Variants in DAB1 observed in about 807,000 individuals in gnomAD.
The protein encoded by DAB1 is DAB adaptor protein 1, also known as disabled homolog 1.
DAB1 carries 15 observed loss-of-function variants against 64.6 expected under a neutral mutation model. The observed-to-expected ratio is 0.23, with a 90% CI of 0.16 to 0.36. The LOEUF is 0.36. DAB1 is among the 10% of genes least tolerant of loss of function. The probability of loss-of-function intolerance (pLI) is 1.00; values close to 1 mark genes in which losing one functional copy is unlikely to be tolerated. For missense variants in DAB1, 596 were observed against 706.7 expected (o/e 0.84, Z 1.78); for synonymous variants, 235 against 251.9 (o/e 0.93, Z 0.64).
Position 57,237,439 on chromosome 1 carries a change from T to A in DAB1, c.67+53525A>T, listed in dbSNP as rs190714395. ...TTTATCATTCATCCAAAAGAATTTG[T>A]TTACTTCTTTTCAGTATCAGAGCTC... On this transcript the variant is annotated intron_variant, in intron 2 of 14. Coordinates refer to ENST00000371236, the MANE Select transcript of DAB1 (RefSeq NM_001365792.1). 3.3e-5 allele frequency among the ~76,000 whole-genome samples: 5 copies of A among 152,334 alleles called. No homozygotes were observed. The East Asian group carries it at 9.6e-4, about 29-fold the overall frequency.
intron 1 of DAB1, among the ~76,000 whole-genome samples, chr1:57,378,453 C>A (rs538018296): frequency 6.6e-6 from 1 of 152,110 alleles, no homozygotes; most frequent in Non-Finnish European, 1.5e-5. Flanking sequence ...TTCTTAATTA[C>A]GAAAAGCTAT....
Position 57,010,688 on chromosome 1 carries a change from G to C in DAB1, c.*7C>G. The C allele has an allele frequency of 1.3e-6, 2 of 1,544,772 alleles. No homozygotes were observed. The highest frequency in any genetic ancestry group is 1.8e-6 in the Non-Finnish European group (2 of 1,140,270). On this transcript the variant is annotated 3_prime_UTR_variant, in exon 14 of 15. Transcript: ENST00000371236. Reference sequence around the variant, plus strand: ...AAAGGACAGATACCTACCCAGACCTGCGCTATCTAGCTACCGGCCTGTGGA... The same window carrying C: ...AAAGGACAGATACCTACCCAGACCTCCGCTATCTAGCTACCGGCCTGTGGA...
chr1:58,076,424 G>T (rs1649647841), intron 5 of DAB1, among the ~76,000 whole-genome samples: 1 of 152,082 alleles, frequency 6.6e-6, no homozygotes, highest in Non-Finnish European at 1.5e-5. Flanking sequence ...TAAGCACTTT[G>T]TTTCTCCCGG....
chr1:57,630,803 C>A (rs1645980158), intron 7 of DAB1, among the ~76,000 whole-genome samples: 1 of 152,046 alleles, frequency 6.6e-6, no homozygotes, highest in African/African-American at 2.4e-5. Flanking sequence ...TTTTTAAGTC[C>A]AAAATTGTAG....
At chr1:57,217,221 ATG>A (rs1402034918) in intron 2 of DAB1, among the ~76,000 whole-genome samples, 1 of 152,214 alleles carries the variant, frequency 6.6e-6, no homozygotes, top group Non-Finnish European at 1.5e-5. Context: ...CAGTGCTTAA[ATG>A]GCTTAGTATC....
chr1:58,109,778 G>T (rs1357858396), intron 5 of DAB1, among the ~76,000 whole-genome samples: 1 of 151,282 alleles, frequency 6.6e-6, no homozygotes, highest in Non-Finnish European at 1.5e-5. Flanking sequence ...AAGTGAGGTG[G>T]AATGGAAGCT....
At chr1:57,957,080 A>C (rs148019410) in intron 5 of DAB1, among the ~76,000 whole-genome samples, 331 of 152,336 alleles carry the variant, frequency 2.2e-3, no homozygotes, top group African/African-American at 7.6e-3. Context: ...CTGTTGGAAA[A>C]TTTTGAAAGG....
At chr1:57,850,510 T>G (rs1653473536) in intron 1 of DAB1, among the ~76,000 whole-genome samples, 1 of 151,962 alleles carries the variant, frequency 6.6e-6, no homozygotes, top group African/African-American at 2.4e-5. Context: ...CTTGATAGCT[T>G]ACATAATTAG....
chr1:57,072,181 C>T (rs1651543489), intron 5 of DAB1, 102 bp downstream of exon 5: 2 of 1,290,460 alleles, frequency 1.5e-6, no homozygotes, highest in African/African-American at 1.5e-5. Flanking sequence ...AAATACATTG[C>T]TTGGTCATAT....
chr1:58,402,437 T>C (rs1444364625), intron 3 of DAB1, among the ~76,000 whole-genome samples: 2 of 152,196 alleles, frequency 1.3e-5, no homozygotes, highest in Non-Finnish European at 2.9e-5. Flanking sequence ...GCATCTTCCT[T>C]GCCACATGCA....
chr1:57,286,178 A>G (rs1453237647), intron 2 of DAB1, among the ~76,000 whole-genome samples: 15 of 152,214 alleles, frequency 9.9e-5, no homozygotes, highest in Admixed American at 9.8e-4. Flanking sequence ...TGTGACTTGT[A>G]TTTGAAACCG....
At chr1:58,190,166 G>A (rs572526462) in intron 4 of DAB1, among the ~76,000 whole-genome samples, 2 of 152,266 alleles carry the variant, frequency 1.3e-5, no homozygotes, top group East Asian at 3.9e-4. Context: ...ACTGGATCTA[G>A]AATCTGAACC....
At chr1:57,886,170 T>C (rs1644218472), upstream of DAB1, among the ~76,000 whole-genome samples, 1 of 150,830 alleles carries the variant, frequency 6.6e-6, no homozygotes, top group Admixed American at 6.6e-5. Context: ...ATTCTTTTTT[T>C]TTTTTTTTTT....
At chr1:57,718,224 C>A (rs1647108323) in intron 6 of DAB1, among the ~76,000 whole-genome samples, 2 of 152,050 alleles carry the variant, frequency 1.3e-5, no homozygotes, top group Non-Finnish European at 2.9e-5. Flanking sequence ...CTCATTTAAT[C>A]CTTACACAAT....
At chr1:57,413,802 G>T (rs1184312995) in intron 1 of DAB1, among the ~76,000 whole-genome samples, 1 of 149,444 alleles carries the variant, frequency 6.7e-6, no homozygotes, top group Non-Finnish European at 1.5e-5. Context: ...GAACATTTGT[G>T]ATTCATGAAA....
chr1:58,308,959 C>T (rs188735943), intron 4 of DAB1, among the ~76,000 whole-genome samples: 8 of 152,232 alleles, frequency 5.3e-5, no homozygotes, highest in Admixed American at 3.3e-4. Context: ...CTAAATTGTG[C>T]GCAACCTCAA....
chr1:57,572,448 G>T (rs541560543), intron 7 of DAB1, among the ~76,000 whole-genome samples: 1 of 152,282 alleles, frequency 6.6e-6, no homozygotes, highest in Non-Finnish European at 1.5e-5. Flanking sequence ...CAGAATGCTT[G>T]TGTTTAAATC....
chr1:57,714,675 G>C (rs3131716), intron 6 of DAB1, among the ~76,000 whole-genome samples: 15,616 of 152,128 alleles, frequency 0.1, 2,663 homozygotes, highest in African/African-American at 0.35. Flanking sequence ...AGAATGACCG[G>C]GAAAATGAAT....
intron 5 of DAB1, among the ~76,000 whole-genome samples, chr1:58,069,774 G>A (rs1407148705): frequency 6.6e-6 from 1 of 152,238 alleles, no homozygotes; most frequent in East Asian, 1.9e-4. Flanking sequence ...CCATTTCAGA[G>A]CTGAGGAAAC....
Sources: allele counts gnomAD v4.1 joint callset (sites outside exome capture counted in the v4.1 genomes callset), GRCh38; gene constraint gnomAD v4.1.1; transcripts MANE v1.5; gene names NCBI Gene and HGNC (gene_info 2026-07-23, HGNC 2026-07-21).